The following FKBP9 variants were observed in gnomAD, a reference collection of about 807,000 sequenced individuals.
FKBP9 encodes FKBP prolyl isomerase 9.
A neutral mutation model predicts 55.6 loss-of-function variants in FKBP9; 27 were observed. The observed-to-expected ratio is 0.49, with a 90% CI of 0.36 to 0.67. FKBP9 has a LOEUF of 0.67. Among genes scored for constraint, FKBP9 ranks in the 30% least tolerant of loss-of-function variants. The pLI is 0.00. For missense variants in FKBP9, 539 were observed against 742.8 expected (o/e 0.73, Z 3.19); for synonymous variants, 267 against 296.5 (o/e 0.90, Z 1.02).
chr7:32,987,875 T>G (rs1254469095), intron 5 of FKBP9, among the ~76,000 whole-genome samples: 1 of 152,184 alleles, frequency 6.6e-6, no homozygotes, highest in Non-Finnish European at 1.5e-5. Flanking sequence ...TTTCATTAAC[T>G]TGACATGGTT....
chr7:32,991,283 A>AT (rs1237184691), intron 6 of FKBP9, among the ~76,000 whole-genome samples: 4 of 151,990 alleles, frequency 2.6e-5, no homozygotes, highest in Non-Finnish European at 1.5e-5. Flanking sequence ...AGGCTCGTAA[A>AT]TTTTCTGGGC....
At chr7:32,998,063 C>T (rs1784851705) in intron 7 of FKBP9, among the ~76,000 whole-genome samples, 1 of 152,144 alleles carries the variant, frequency 6.6e-6, no homozygotes, top group Non-Finnish European at 1.5e-5. Flanking sequence ...ATTTTAGAAT[C>T]AGTGAAATAT....
rs369007746 is a variant in FKBP9 at position 32,966,524 on chromosome 7, TA to T, written c.222-8092del. On this transcript the variant is annotated intron_variant, in intron 1 of 9. Transcript: ENST00000242209. ...CTTTTTGCTCTGGGAGGCTGACATG[TA>T]TGGACTACATGTGCATAGTATGGGT... 6.3e-3 allele frequency among the ~76,000 whole-genome samples: 954 copies of T among 152,314 alleles called. 13 individuals carry two copies. The highest frequency in any genetic ancestry group is 0.022 in the African/African-American group (905 of 41,572).
Position 33,005,562 on chromosome 7 carries a change from G to A in FKBP9, c.*211G>A, listed in dbSNP as rs1464162235. The stretch of plus-strand genomic sequence containing the variant: ...GCCAGTGATAGTAAACAAAATCTGT[G>A]CAGAGGGCCTTAGCATGGGATGTGT... On this transcript the variant is annotated 3_prime_UTR_variant, in exon 10 of 10. Transcript: ENST00000242209. 1.8e-6 allele frequency: 1 copy of A among 555,986 alleles called. No homozygotes were observed. Among genetic ancestry groups the A allele is most frequent in the African/African-American group, 1.9e-5 (1 of 53,044 alleles). The allele number at this position is 555,986 out of a possible 1,614,324, so 34.4% of individuals were successfully genotyped here.
intron 6 of FKBP9, 49 bp downstream of exon 6, chr7:32,988,701 C>G: frequency 6.3e-7 from 1 of 1,590,878 alleles, no homozygotes. Flanking sequence ...GCTGCTTCCA[C>G]ATTGCTTGAA....
rs776212480 is a variant in FKBP9 at position 32,965,843 on chromosome 7, A to ATG, written c.221+8055_221+8056dup. 2.5e-3 allele frequency among the ~76,000 whole-genome samples: 104 copies of ATG among 41,412 alleles called. 2 individuals are homozygous for ATG. The highest frequency in any genetic ancestry group is 9.8e-3 in the African/African-American group (101 of 10,266). The allele number at this position is 41,412 out of a possible 152,430, so 27.2% of individuals were successfully genotyped here. A position where few individuals can be genotyped will look rare whatever the true frequency, so the allele number is the denominator to read the frequency against. On this transcript the variant is annotated intron_variant, in intron 1 of 9. Coordinates refer to ENST00000242209, the MANE Select transcript of FKBP9 (RefSeq NM_007270.5). Reference sequence around the variant, plus strand: ...TATATATATATATATATATATATATATGTGTGTACAGATATATATATATAC... The same window carrying ATG: ...TATATATATATATATATATATATATATGTGTGTGTACAGATATATATATATAC...
intron 5 of FKBP9, among the ~76,000 whole-genome samples, chr7:32,983,221 A>G (rs1447935949): frequency 6.6e-6 from 1 of 151,872 alleles, no homozygotes; most frequent in Non-Finnish European, 1.5e-5. Context: ...TAGGGGTTTC[A>G]TCATATTGGC....
chr7:32,960,649 G>A (rs1444104112), intron 1 of FKBP9, among the ~76,000 whole-genome samples: 3 of 152,210 alleles, frequency 2.0e-5, no homozygotes, highest in Non-Finnish European at 4.4e-5. Context: ...GGCAGCCACT[G>A]TGAGGTAGTG....
chr7:32,995,544 A>G (rs1784768387), intron 6 of FKBP9, among the ~76,000 whole-genome samples: 1 of 152,318 alleles, frequency 6.6e-6, no homozygotes, highest in African/African-American at 2.4e-5. Flanking sequence ...CATTATTCAG[A>G]TGTGAGCTAC....
intron 3 of FKBP9, among the ~76,000 whole-genome samples, chr7:32,975,958 A>G (rs1315041425): frequency 2.0e-5 from 3 of 152,088 alleles, no homozygotes; most frequent in East Asian, 1.9e-4. Context: ...GTAAGTCTCT[A>G]TTTCTAAGGA....
chr7:32,961,003 A>G lies in FKBP9; in HGVS notation c.221+3209A>G, dbSNP rs530632183. Among the ~76,000 whole-genome samples the G allele has an allele frequency of 3.9e-5, 6 of 152,386 alleles. No homozygotes were observed. In the East Asian group the frequency reaches 5.8e-4, roughly 15 times the overall value. ...AGTTCAAATGATTTGCCCAAGGAACATAAGTACTAAGTGGTTGAGTGGAGA... is the reference window on the plus strand; with the variant it reads ...AGTTCAAATGATTTGCCCAAGGAACGTAAGTACTAAGTGGTTGAGTGGAGA... On this transcript the variant is annotated intron_variant, in intron 1 of 9. Coordinates refer to ENST00000242209, the MANE Select transcript of FKBP9 (RefSeq NM_007270.5).
At chr7:32,987,315 G>A (rs1166659363) in intron 5 of FKBP9, among the ~76,000 whole-genome samples, 1 of 152,000 alleles carries the variant, frequency 6.6e-6, no homozygotes, top group African/African-American at 2.4e-5. Flanking sequence ...GGGCAACGTG[G>A]TGAAACCCCA....
chr7:32,963,336 T>C lies in FKBP9; in HGVS notation c.221+5542T>C, dbSNP rs1784062879. On this transcript the variant is annotated intron_variant, in intron 1 of 9. Transcript: ENST00000242209. ...TGGCTGAGCTAGGTGTTGTGGACTT[T>C]GGTATTTTTTTTTTTCATCCCATGG... Among the ~76,000 whole-genome samples, 3 of 151,856 alleles carry C rather than the reference T, an allele frequency of 2.0e-5. No individual in the cohort carries two copies. The South Asian group carries it at 6.2e-4, about 32-fold the overall frequency.
At chr7:32,978,703 CA>C (rs1258174825) in intron 4 of FKBP9, among the ~76,000 whole-genome samples, 1 of 152,098 alleles carries the variant, frequency 6.6e-6, no homozygotes, top group Non-Finnish European at 1.5e-5. Flanking sequence ...TCCTTGGCCC[CA>C]AGAAGTTCAT....
chr7:32,980,812 G>T (rs1217185008), intron 5 of FKBP9, among the ~76,000 whole-genome samples: 3 of 151,692 alleles, frequency 2.0e-5, no homozygotes, highest in Non-Finnish European at 1.5e-5. Context: ...GTGGCTTTCT[G>T]CAGCCTTGAA....
intron 3 of FKBP9, among the ~76,000 whole-genome samples, chr7:32,975,592 G>A (rs1460640405): frequency 2.6e-5 from 4 of 151,490 alleles, no homozygotes; most frequent in African/African-American, 7.3e-5. Flanking sequence ...GAAGAGCAGT[G>A]TTTATCTAAC....
intron 5 of FKBP9, among the ~76,000 whole-genome samples, chr7:32,980,776 G>A (rs1428117060): frequency 6.6e-6 from 1 of 151,642 alleles, no homozygotes; most frequent in African/African-American, 2.4e-5. Flanking sequence ...GTCATCCAGT[G>A]TGGAGTGCAG....
At chr7:32,971,894 TG>T (rs1463311735) in intron 1 of FKBP9, among the ~76,000 whole-genome samples, 1 of 152,198 alleles carries the variant, frequency 6.6e-6, no homozygotes, top group Non-Finnish European at 1.5e-5. Flanking sequence ...TAGTATATAT[TG>T]AAGAGCTTAG....
At chr7:32,964,931 G>A (rs1784103314) in intron 1 of FKBP9, among the ~76,000 whole-genome samples, 1 of 152,206 alleles carries the variant, frequency 6.6e-6, no homozygotes, top group Non-Finnish European at 1.5e-5. Flanking sequence ...CAGTGGGGAG[G>A]TGAGTTTCAG....
Sources: gnomAD v4.1 joint callset for allele counts (sites outside exome capture counted in the v4.1 genomes callset) on GRCh38, gnomAD v4.1.1 for gene constraint, MANE v1.5 for transcripts, NCBI Gene and HGNC (gene_info 2026-07-23, HGNC 2026-07-21) for gene names.